The following LCORL variants were observed in gnomAD, a reference collection of about 807,000 sequenced individuals.
LCORL encodes ligand dependent nuclear receptor corepressor like, also known as ligand-dependent nuclear receptor corepressor-like protein.
LCORL carries 41 observed loss-of-function variants against 141.8 expected under a neutral mutation model. The observed-to-expected ratio is 0.29, with a 90% CI of 0.23 to 0.38. The LOEUF is 0.38. Among genes scored for constraint, LCORL ranks in the 10% least tolerant of loss-of-function variants. LCORL has a pLI of 1.00. For synonymous variants in LCORL, 618 were observed against 694.1 expected (o/e 0.89, Z 1.72); for missense variants, 1,759 against 2,035.0 (o/e 0.86, Z 2.61).
chr4:17,900,741 CA>C (rs1553864267), intron 5 of LCORL, among the ~76,000 whole-genome samples: 1 of 151,746 alleles, frequency 6.6e-6, no homozygotes, highest in Non-Finnish European at 1.5e-5. Context: ...TGATATTACA[CA>C]GAAACAAAGA....
chr4:17,946,760 A>T (rs933288298), intron 4 of LCORL, among the ~76,000 whole-genome samples: 1 of 151,926 alleles, frequency 6.6e-6, no homozygotes, highest in African/African-American at 2.4e-5. Flanking sequence ...CTCATACATC[A>T]TTGTGTATTA....
chr4:17,919,093 CAA>C (rs1326607715), intron 4 of LCORL, among the ~76,000 whole-genome samples: 1 of 151,652 alleles, frequency 6.6e-6, no homozygotes, highest in Non-Finnish European at 1.5e-5. Flanking sequence ...TAAAAAAACA[CAA>C]AAGATTATCA....
chr4:17,967,331 T>C (rs1163316174), intron 2 of LCORL, among the ~76,000 whole-genome samples: 1 of 152,154 alleles, frequency 6.6e-6, no homozygotes, highest in Non-Finnish European at 1.5e-5. Flanking sequence ...ACTATAATGA[T>C]GGATCAATGA....
chr4:17,872,998 T>C lies in LCORL; in HGVS notation c.5602+390A>G, dbSNP rs542142495. Among the ~76,000 whole-genome samples the C allele has an allele frequency of 4.6e-5, 7 of 152,288 alleles. No individual in the cohort carries two copies. In the East Asian group the frequency reaches 1.4e-3, roughly 29 times the overall value. ...GTTGATTTCTCAATTGAGTAAATATTTACTAGTTTATAGTGTGGTACTTAA... is the reference window on the plus strand; with the variant it reads ...GTTGATTTCTCAATTGAGTAAATATCTACTAGTTTATAGTGTGGTACTTAA... On this transcript the variant is annotated intron_variant, in intron 7 of 7. Coordinates refer to ENST00000635767, the Ensembl canonical transcript of LCORL.
chr4:18,015,214 A>G (rs1724453178), intron 1 of LCORL, among the ~76,000 whole-genome samples: 1 of 152,204 alleles, frequency 6.6e-6, no homozygotes, highest in African/African-American at 2.4e-5. Flanking sequence ...ACATAACAGC[A>G]ATTTATCATG....
chr4:17,848,797 G>A (rs137990840), intron 7 of LCORL, among the ~76,000 whole-genome samples: 12,142 of 152,232 alleles, frequency 0.08, 1,050 homozygotes, highest in African/African-American at 0.22. Flanking sequence ...GGTGACAGAC[G>A]GCACCTGGAA....
At chr4:17,953,893 G>A (rs1430947077) in intron 4 of LCORL, among the ~76,000 whole-genome samples, 1 of 152,192 alleles carries the variant, frequency 6.6e-6, no homozygotes, top group Non-Finnish European at 1.5e-5. Context: ...GCCAGGCGCG[G>A]TGGCTCACGC....
At chr4:17,853,359 G>T (rs1439984052) in intron 7 of LCORL, among the ~76,000 whole-genome samples, 1 of 152,082 alleles carries the variant, frequency 6.6e-6, no homozygotes, top group Admixed American at 6.6e-5. Context: ...CCCCATCCAG[G>T]AGAGTTAAAT....
intron 6 of LCORL, among the ~76,000 whole-genome samples, chr4:17,885,129 T>C (rs2109220713): frequency 6.6e-6 from 1 of 152,046 alleles, no homozygotes; most frequent in East Asian, 1.9e-4. Flanking sequence ...AAGGAGTTTT[T>C]GTTAGTACAA....
At chr4:17,881,132 C>T (rs1727515797) in intron 6 of LCORL, 1 of 981,878 alleles carries the variant, frequency 1.0e-6, no homozygotes, top group African/African-American at 1.8e-5. Flanking sequence ...TTTCTAAAAA[C>T]AGAGGCACTG....
chr4:17,869,410 A>G (rs1726074930), intron 7 of LCORL, among the ~76,000 whole-genome samples: 1 of 152,060 alleles, frequency 6.6e-6, no homozygotes, highest in African/African-American at 2.4e-5. Context: ...CTTTCCCAAC[A>G]ACTAAGATAA....
At chr4:17,945,504 C>G (rs377282272) in intron 4 of LCORL, among the ~76,000 whole-genome samples, 5 of 151,740 alleles carry the variant, frequency 3.3e-5, no homozygotes, top group Non-Finnish European at 7.4e-5. Context: ...GCTGACCCAG[C>G]AATATACCCC....
At chr4:17,852,537 G>A (rs939941102) in intron 7 of LCORL, among the ~76,000 whole-genome samples, 66 of 152,240 alleles carry the variant, frequency 4.3e-4, no homozygotes, top group Non-Finnish European at 8.4e-4. Flanking sequence ...GGTGAAAAGA[G>A]AAAGAAGTGG....
chr4:17,899,952 C>T (rs926190632), intron 5 of LCORL, among the ~76,000 whole-genome samples: 1 of 152,066 alleles, frequency 6.6e-6, no homozygotes, highest in Middle Eastern at 3.2e-3. Flanking sequence ...TATGTACATG[C>T]AAATATTCCA....
chr4:17,947,827 A>C (rs1439711948), intron 4 of LCORL, among the ~76,000 whole-genome samples: 1 of 151,982 alleles, frequency 6.6e-6, no homozygotes, highest in Non-Finnish European at 1.5e-5. Flanking sequence ...TCTTTTTGGC[A>C]AAGCACATCT....
At chr4:17,875,904 A>C (rs1267460239) in exon 7 of LCORL, 1 of 1,231,268 alleles carries the variant, frequency 8.1e-7, no homozygotes, top group Non-Finnish European at 1.0e-6. Flanking sequence ...TTCTCTTTGA[A>C]AAGTATCAGT....
chr4:17,972,025 T>C (rs1716051292), intron 2 of LCORL, among the ~76,000 whole-genome samples: 1 of 151,776 alleles, frequency 6.6e-6, no homozygotes, highest in African/African-American at 2.4e-5. Flanking sequence ...ATTGCTACAA[T>C]ACCACTACCA....
At chr4:17,889,394 T>C (rs952484733) in intron 5 of LCORL, among the ~76,000 whole-genome samples, 1 of 152,132 alleles carries the variant, frequency 6.6e-6, no homozygotes, top group African/African-American at 2.4e-5. Flanking sequence ...TTATGGTATC[T>C]AGTGAAAATG....
chr4:18,016,750 A>G (rs943408910), intron 1 of LCORL, among the ~76,000 whole-genome samples: 1 of 152,162 alleles, frequency 6.6e-6, no homozygotes, highest in Non-Finnish European at 1.5e-5. Context: ...TAGAAGACTT[A>G]AATTTACATG....
Sources: allele counts gnomAD v4.1 joint callset (sites outside exome capture counted in the v4.1 genomes callset), GRCh38; gene constraint gnomAD v4.1.1; transcripts MANE v1.5; gene names NCBI Gene and HGNC (gene_info 2026-07-23, HGNC 2026-07-21).